ARMC2: variants seen among roughly 807,000 people sequenced by gnomAD.
The protein encoded by ARMC2 is armadillo repeat-containing protein 2.
In ARMC2, 67 loss-of-function variants were observed where a neutral mutation model predicts 90.3. The observed-to-expected ratio is 0.74, with a 90% CI of 0.61 to 0.91. The LOEUF is 0.91. ARMC2 is among the 40% of genes least tolerant of loss of function. The pLI is 0.00. For missense variants in ARMC2, 920 were observed against 1,030.9 expected, an observed-to-expected ratio of 0.89 and a Z score of 1.47; for synonymous variants, 393 against 393.0, an observed-to-expected ratio of 1.00 and a Z score of 0.00.
At chr6:108,907,522 A>G in intron 8 of ARMC2, 1 of 1,013,970 alleles carries the variant, frequency 9.9e-7, no homozygotes, top group Non-Finnish European at 1.4e-6. Context: ...TAGGATATGA[A>G]AGAATTCAGC....
intron 5 of ARMC2, among the ~76,000 whole-genome samples, chr6:108,889,233 C>T (rs568695585): frequency 1.1e-4 from 16 of 150,904 alleles, no homozygotes; most frequent in African/African-American, 3.7e-4. Context: ...GCAACTTCTG[C>T]CCCCTGGGTT....
intron 5 of ARMC2, among the ~76,000 whole-genome samples, chr6:108,881,592 G>C (rs1777591232): frequency 6.6e-6 from 1 of 152,150 alleles, no homozygotes; most frequent in African/African-American, 2.4e-5. Context: ...TGCGGGAGCA[G>C]GGAGTATGCC....
chr6:108,909,305 T>C (rs185744144), intron 8 of ARMC2, among the ~76,000 whole-genome samples: 3 of 151,378 alleles, frequency 2.0e-5, no homozygotes, highest in Admixed American at 6.6e-5. Flanking sequence ...CTGCTTAATA[T>C]GATAGTATTG....
At chr6:108,990,768 A>G in the ARMC2 span, 2 of 1,614,140 alleles carry the variant, frequency 1.2e-6, no homozygotes, top group East Asian at 2.2e-5. Flanking sequence ...TTTTTCATCA[A>G]TCAACTGTCC....
the ARMC2 span, among the ~76,000 whole-genome samples, chr6:109,028,956 C>G: frequency 6.6e-6 from 1 of 152,224 alleles, no homozygotes; most frequent in East Asian, 1.9e-4. Context: ...TGAAGTTTAC[C>G]TTTATGTATA....
At chr6:109,017,722 A>G in the ARMC2 span, among the ~76,000 whole-genome samples, 1 of 152,220 alleles carries the variant, frequency 6.6e-6, no homozygotes, top group Non-Finnish European at 1.5e-5. Flanking sequence ...GAAGCATTAA[A>G]TAGAGGGTCA....
rs149725009 is a variant in ARMC2 at position 108,967,904 on chromosome 6, A to G, written c.2446+2764A>G. On this transcript the variant is annotated intron_variant, in intron 17 of 17. Coordinates refer to ENST00000392644, the MANE Select transcript of ARMC2 (RefSeq NM_032131.6). ...TTTCATTTCCTGCCTGCCCATCCCA[A>G]TCTGCCTAGCCAGGTGCAGGCCCTT... 2.9e-3 allele frequency among the ~76,000 whole-genome samples: 440 copies of G among 152,136 alleles called. 2 individuals carry two copies. The highest frequency in any genetic ancestry group is 0.01 in the African/African-American group (425 of 41,498).
chr6:108,927,848 A>G lies in ARMC2; in HGVS notation c.1351-240A>G, dbSNP rs528143229. 1.2e-4 allele frequency among the ~76,000 whole-genome samples: 18 copies of G among 152,348 alleles called. No homozygotes were observed. In the East Asian group the frequency reaches 3.3e-3, roughly 28 times the overall value. On this transcript the variant is annotated intron_variant, in intron 10 of 17. Coordinates refer to ENST00000392644, the MANE Select transcript of ARMC2 (RefSeq NM_032131.6). ...GTTTGTTTAACCCTGGGTTTGGGGT[A>G]TACCAATTGCTTACTAAGATTAATA... is the stretch of plus-strand genomic sequence containing the variant.
chr6:108,894,930 C>G (rs1327361366), intron 6 of ARMC2, among the ~76,000 whole-genome samples: 1 of 150,922 alleles, frequency 6.6e-6, no homozygotes, highest in Non-Finnish European at 1.5e-5. Context: ...CCACGCCTGG[C>G]TAATTTTTTG....
intron 17 of ARMC2, among the ~76,000 whole-genome samples, chr6:108,968,665 A>G (rs774044411): frequency 6.6e-6 from 1 of 152,146 alleles, no homozygotes; most frequent in African/African-American, 2.4e-5. Context: ...CTTGCATTTC[A>G]ATTCTTTTAC....
At chr6:108,936,818 G>A in intron 11 of ARMC2, 82 bp from the exon 12 acceptor site, 1 of 1,110,596 alleles carries the variant, frequency 9.0e-7, no homozygotes, top group East Asian at 2.6e-5. Context: ...TTGAAGGTCT[G>A]CATTTAAAGT....
chr6:109,029,345 CTT>C, the ARMC2 span, among the ~76,000 whole-genome samples: 1 of 152,200 alleles, frequency 6.6e-6, no homozygotes, highest in African/African-American at 2.4e-5. Context: ...ACTAAATGCA[CTT>C]GATTTATGGC....
chr6:108,941,337 C>T (rs954637362), intron 12 of ARMC2, among the ~76,000 whole-genome samples: 11 of 152,084 alleles, frequency 7.2e-5, no homozygotes, highest in South Asian at 2.1e-4. Context: ...AGCTGATACC[C>T]CCAGCTAGTA....
chr6:108,903,623 G>T (rs1326232353), intron 7 of ARMC2, among the ~76,000 whole-genome samples: 1 of 152,200 alleles, frequency 6.6e-6, no homozygotes, highest in Non-Finnish European at 1.5e-5. Flanking sequence ...TTGATAGAAA[G>T]AAATGTAAGA....
chr6:108,917,990 T>C (rs1774145742), intron 10 of ARMC2, among the ~76,000 whole-genome samples: 1 of 152,078 alleles, frequency 6.6e-6, no homozygotes, highest in African/African-American at 2.4e-5. Context: ...CGAAATTAGC[T>C]TGAATATAAA....
chr6:109,049,345 T>G, the ARMC2 span, among the ~76,000 whole-genome samples: 3 of 149,966 alleles, frequency 2.0e-5, no homozygotes, highest in Non-Finnish European at 3.0e-5. Context: ...CTCATGGAAG[T>G]AAAAGGTAGA....
the ARMC2 span, among the ~76,000 whole-genome samples, chr6:109,020,784 A>G: frequency 6.6e-6 from 1 of 151,870 alleles, no homozygotes; most frequent in African/African-American, 2.4e-5. Flanking sequence ...AACAATAGTT[A>G]ACAGTTTTCT....
chr6:109,005,604 C>CA, the ARMC2 span, among the ~76,000 whole-genome samples: 3 of 152,084 alleles, frequency 2.0e-5, no homozygotes, highest in African/African-American at 7.2e-5. Flanking sequence ...GCTTGAGAAA[C>CA]AGAGTATTTC....
At position 108,939,733 on chromosome 6, in the gene ARMC2, T is replaced by TAG. The variant is rs544734497; in HGVS notation, c.1596+2739_1596+2740dup. On this transcript the variant is annotated intron_variant, in intron 12 of 17. Transcript: ENST00000392644. The stretch of plus-strand genomic sequence containing the variant: ...AATTATTTTAATTTCCAAAGAGGAA[T>TAG]AGAGAGCACCTTGTAAACCATGTAC... 2.0e-3 allele frequency among the ~76,000 whole-genome samples: 312 copies of TAG among 152,342 alleles called. 2 individuals carry two copies. Among genetic ancestry groups the TAG allele is most frequent in the East Asian group, 2.7e-3 (14 of 5,190 alleles).
Sources: allele counts gnomAD v4.1 joint callset (sites outside exome capture counted in the v4.1 genomes callset), GRCh38; gene constraint gnomAD v4.1.1; transcripts MANE v1.5; gene names NCBI Gene and HGNC (gene_info 2026-07-23, HGNC 2026-07-21).